Variants in PRDM16 observed in about 807,000 individuals in gnomAD.
PRDM16 encodes PR/SET domain 16, also known as histone-lysine N-methyltransferase PRDM16.
In PRDM16, 23 loss-of-function variants were observed where a neutral mutation model predicts 110.6. That is an observed-to-expected ratio of 0.21 (90% CI 0.15 to 0.29). PRDM16 has a LOEUF of 0.29. PRDM16 is among the 10% of genes least tolerant of loss of function. The pLI, the probability that PRDM16 is intolerant of heterozygous loss-of-function variation, is 1.00. For missense variants in PRDM16, 1,615 were observed against 1,794.3 expected, an observed-to-expected ratio of 0.90 and a Z score of 1.81; for synonymous variants, 799 against 781.8, an observed-to-expected ratio of 1.02 and a Z score of -0.37.
intron 1 of PRDM16, among the ~76,000 whole-genome samples, chr1:3,141,894 G>A (rs1482101187): frequency 1.3e-5 from 2 of 152,234 alleles, no homozygotes; most frequent in Admixed American, 6.5e-5. Context: ...CGTTCTGTGC[G>A]GAAGCATGTG....
At chr1:3,281,496 G>T (rs1640711034) in intron 3 of PRDM16, among the ~76,000 whole-genome samples, 1 of 152,262 alleles carries the variant, frequency 6.6e-6, no homozygotes, top group Non-Finnish European at 1.5e-5. Flanking sequence ...AACTTAGCAT[G>T]ATCAGATTGA....
intron 3 of PRDM16, 96 bp from the exon 4 acceptor site, chr1:3,385,056 G>A: frequency 6.7e-7 from 1 of 1,492,170 alleles, no homozygotes; most frequent in Non-Finnish European, 9.2e-7. Context: ...CTTCCTACTT[G>A]AGCCCAAACA....
At chr1:3,075,101 C>T (rs1364590453) in intron 1 of PRDM16, among the ~76,000 whole-genome samples, 1 of 152,248 alleles carries the variant, frequency 6.6e-6, no homozygotes, top group Non-Finnish European at 1.5e-5. Flanking sequence ...CCTGGGCTGG[C>T]CCGCCTGGCC....
chr1:3,177,627 C>T (rs1245740338), intron 1 of PRDM16, among the ~76,000 whole-genome samples: 6 of 152,180 alleles, frequency 3.9e-5, no homozygotes, highest in Non-Finnish European at 4.4e-5. Context: ...CCCAGGAGAG[C>T]GAGCCAACGT....
In PRDM16 at chr1:3,296,610, G is replaced by A. The variant is rs535059612; in HGVS notation, c.438+52473G>A. 6.1e-4 allele frequency among the ~76,000 whole-genome samples: 93 copies of A among 152,388 alleles called. 1 individual carries two copies. The highest frequency in any genetic ancestry group is 1.9e-3 in the African/African-American group (81 of 41,590). Reference sequence around the variant, plus strand: ...ACCTGGCCCAAAGCCAGGGGAGGCCGTGGGTGCCTGTGAGGGCAGGGTGGG... The same window carrying A: ...ACCTGGCCCAAAGCCAGGGGAGGCCATGGGTGCCTGTGAGGGCAGGGTGGG... On this transcript the variant is annotated intron_variant, in intron 3 of 16. Coordinates refer to ENST00000270722, the MANE Select transcript of PRDM16 (RefSeq NM_022114.4).
chr1:3,231,126 A>G (rs185685507), intron 2 of PRDM16, among the ~76,000 whole-genome samples: 4 of 152,228 alleles, frequency 2.6e-5, no homozygotes, highest in Non-Finnish European at 5.9e-5. Flanking sequence ...TGTATAATTT[A>G]GGCTTTCTGT....
Position 3,290,817 on chromosome 1 carries a change from A to C in PRDM16, c.438+46680A>C, listed in dbSNP as rs1008720603. Among the ~76,000 whole-genome samples, 2 of 151,790 alleles carry C rather than the reference A, an allele frequency of 1.3e-5. No individual in the cohort carries two copies. Among genetic ancestry groups the C allele is most frequent in the African/African-American group, 2.4e-5 (1 of 41,302 alleles). ...CCCTGAAACGGGATACGCCGAGCTG[A>C]ACTTGGCCACATAATGCCGCTCTGT... On this transcript the variant is annotated intron_variant, in intron 3 of 16. Transcript: ENST00000270722. This position sits in a 1 kb window ranked among gnomAD's most constrained non-coding sequence, Gnocchi z 4.8.
rs141022060 is a variant in PRDM16 at position 3,217,380 on chromosome 1, C to T, written c.388-26707C>T. Among the ~76,000 whole-genome samples, 896 of 152,334 alleles carry T rather than the reference C, an allele frequency of 5.9e-3. 16 individuals carry two copies. The highest frequency in any genetic ancestry group is 6.2e-3 in the Non-Finnish European group (420 of 68,028). On this transcript the variant is annotated intron_variant, in intron 2 of 16. Transcript: ENST00000270722. ...TGCTGGGCTGCCCCCCAGCTCTTCT[C>T]GGCTTATTTGGTCTGGAATGGGAGC... is the stretch of plus-strand genomic sequence containing the variant.
chr1:3,087,209 C>A (rs1356477971), intron 1 of PRDM16, among the ~76,000 whole-genome samples: 1 of 150,424 alleles, frequency 6.6e-6, no homozygotes, highest in Non-Finnish European at 1.5e-5. Context: ...ACCAGCCCCA[C>A]CCGAGACCAG....
intron 3 of PRDM16, chr1:3,309,987 CCA>C (rs1460526005): frequency 6.6e-6 from 1 of 152,228 alleles, no homozygotes; most frequent in Non-Finnish European, 1.5e-5. Context: ...CGAGCCTGAC[CCA>C]CAGTGAGAGG....
At chr1:3,178,757 T>C (rs1195588584) in intron 1 of PRDM16, among the ~76,000 whole-genome samples, 1 of 152,152 alleles carries the variant, frequency 6.6e-6, no homozygotes, top group Non-Finnish European at 1.5e-5. Flanking sequence ...CTGGAGGCTT[T>C]GCTGAAGCAC....
intron 3 of PRDM16, among the ~76,000 whole-genome samples, chr1:3,266,385 C>T (rs983230452): frequency 2.0e-5 from 3 of 152,216 alleles, no homozygotes; most frequent in African/African-American, 4.8e-5. Context: ...GGAGCCTTTT[C>T]GCCCCGAGAG....
chr1:3,374,758 C>T (rs527493473), intron 3 of PRDM16, among the ~76,000 whole-genome samples: 24 of 152,330 alleles, frequency 1.6e-4, no homozygotes, highest in African/African-American at 5.3e-4. Flanking sequence ...TTCGTCCCTT[C>T]GGGGGTCCTG....
At chr1:3,422,869 G>GGACCCGGGTGCCCGGAGGCAGCTCAGCT (rs1638477935) in intron 12 of PRDM16, among the ~76,000 whole-genome samples, 4 of 152,214 alleles carry the variant, frequency 2.6e-5, no homozygotes, top group Non-Finnish European at 5.9e-5. Flanking sequence ...GGAGACGCTG[G>GGACCCGGGTGCCCGGAGGCAGCTCAGCT]GACCCGGGTG....
At chr1:3,211,491 T>A (rs1301679357) in intron 2 of PRDM16, among the ~76,000 whole-genome samples, 10 of 151,898 alleles carry the variant, frequency 6.6e-5, no homozygotes, top group Non-Finnish European at 1.3e-4. Context: ...CAAGGCAGAG[T>A]CTCTTGGGGC....
At chr1:3,149,044 A>G (rs1452043772) in intron 1 of PRDM16, among the ~76,000 whole-genome samples, 1 of 151,212 alleles carries the variant, frequency 6.6e-6, no homozygotes, top group East Asian at 1.9e-4. Flanking sequence ...GCTCCCCACC[A>G]CTCTTCCTTG....
intron 3 of PRDM16, among the ~76,000 whole-genome samples, chr1:3,248,088 G>A (rs752908656): frequency 2.0e-5 from 3 of 152,320 alleles, no homozygotes; most frequent in South Asian, 4.1e-4. Context: ...CGCTGAAAAT[G>A]GATGGAAGAC....
intron 1 of PRDM16, among the ~76,000 whole-genome samples, chr1:3,146,072 G>A (rs1260020707): frequency 6.6e-6 from 1 of 152,204 alleles, no homozygotes; most frequent in Non-Finnish European, 1.5e-5. Flanking sequence ...GTTTGGCCGA[G>A]CAGGAAAACA....
chr1:3,407,090 C>T (rs1314985450), intron 8 of PRDM16, among the ~76,000 whole-genome samples: 2 of 152,352 alleles, frequency 1.3e-5, no homozygotes, highest in East Asian at 3.9e-4. Flanking sequence ...TTCCAGGCTC[C>T]GTTGCATCAG....
Sources: gnomAD v4.1 joint callset for allele counts (sites outside exome capture counted in the v4.1 genomes callset) on GRCh38, gnomAD v4.1.1 for gene constraint, Gnocchi (gnomAD v3.1) non-coding constraint, MANE v1.5 for transcripts, NCBI Gene and HGNC (gene_info 2026-07-23, HGNC 2026-07-21) for gene names.